The following NSUN7 variants were observed in gnomAD, a reference collection of about 807,000 sequenced individuals.
NSUN7 encodes NOP2/Sun RNA methyltransferase family member 7, also known as protein NSUN7.
Under a neutral mutation model 58.5 loss-of-function variants are expected in NSUN7, and 39 were observed. The ratio of observed to expected loss-of-function variants is 0.67; its 90% confidence interval spans 0.52 to 0.87. The LOEUF (loss-of-function observed/expected upper bound fraction) is 0.87, where lower values mean the gene tolerates loss of function less well. NSUN7 is among the 40% of genes least tolerant of loss of function. NSUN7 has a pLI of 0.00. For synonymous variants in NSUN7, 278 were observed against 303.7 expected (o/e 0.92, Z 0.88); for missense variants, 765 against 844.1 (o/e 0.91, Z 1.16).
chr4:40,787,569 CTG>C (rs1490237196), intron 7 of NSUN7, among the ~76,000 whole-genome samples: 1 of 152,068 alleles, frequency 6.6e-6, no homozygotes, highest in Non-Finnish European at 1.5e-5. Context: ...CTTGCCAAAA[CTG>C]AGAAATAGTT....
intron 2 of NSUN7, 148 bp from the exon 3 acceptor site, chr4:40,760,286 C>G: frequency 3.1e-6 from 2 of 654,152 alleles, no homozygotes; most frequent in South Asian, 3.5e-5. Context: ...CATCATGTCA[C>G]TGTAATTTAA....
At chr4:40,752,886 T>G (rs1022338174) in intron 2 of NSUN7, among the ~76,000 whole-genome samples, 1 of 12,200 alleles carries the variant, frequency 8.2e-5, no homozygotes, top group Non-Finnish European at 1.7e-4. Flanking sequence ...TAAGTCCGTC[T>G]TAACCATTCT....
At chr4:40,806,863 T>G (rs1232446363) in intron 10 of NSUN7, among the ~76,000 whole-genome samples, 198 bp from the exon 11 acceptor site, 1 of 152,242 alleles carries the variant, frequency 6.6e-6, no homozygotes, top group Non-Finnish European at 1.5e-5. Flanking sequence ...TATAATAAAT[T>G]ATGAATATAA....
intron 7 of NSUN7, among the ~76,000 whole-genome samples, chr4:40,787,526 A>G (rs902205765): frequency 1.3e-5 from 2 of 152,172 alleles, no homozygotes; most frequent in Non-Finnish European, 2.9e-5. Context: ...ATAAACTTGA[A>G]CATTTAACTG....
Position 40,811,073 on chromosome 4 carries a change from T to C in NSUN7, c.*2134T>C, listed in dbSNP as rs2154290369. On this transcript the variant is annotated 3_prime_UTR_variant, in exon 12 of 12. Coordinates refer to ENST00000381782, the MANE Select transcript of NSUN7 (RefSeq NM_024677.6). Reference sequence around the variant, plus strand: ...CTGATCTCTACAGTAGCATGTGAAGTCACAATTTGTTGCCACTTACATTGA... The same window carrying C: ...CTGATCTCTACAGTAGCATGTGAAGCCACAATTTGTTGCCACTTACATTGA... The C allele has an allele frequency of 6.6e-6, 1 of 152,270 alleles. No individual in the cohort carries two copies. The highest frequency in any genetic ancestry group is 2.1e-4 in the South Asian group (1 of 4,826). 9.4% of individuals were successfully genotyped at this position (152,270 alleles called of 1,614,324 possible).
chr4:40,781,177 A>G (rs994006820), intron 7 of NSUN7, among the ~76,000 whole-genome samples: 1 of 151,796 alleles, frequency 6.6e-6, no homozygotes, highest in Non-Finnish European at 1.5e-5. Context: ...AGCAATTCTC[A>G]TGCCTCAATC....
intron 2 of NSUN7, among the ~76,000 whole-genome samples, chr4:40,754,362 G>T (rs1465020932): frequency 2.6e-5 from 4 of 152,044 alleles, no homozygotes; most frequent in Non-Finnish European, 4.4e-5. Context: ...TGGCCAGGCT[G>T]GTCTTGAACT....
intron 7 of NSUN7, among the ~76,000 whole-genome samples, chr4:40,780,771 A>G (rs1236057617): frequency 2.9e-5 from 2 of 68,226 alleles, no homozygotes; most frequent in African/African-American, 6.9e-5. Flanking sequence ...ACACACACAC[A>G]CACACACACA....
intron 10 of NSUN7, among the ~76,000 whole-genome samples, chr4:40,800,509 T>C (rs1447556414): frequency 2.0e-5 from 3 of 152,132 alleles, no homozygotes; most frequent in African/African-American, 7.2e-5. Context: ...CTGGCTAATT[T>C]TTGTATTTTT....
chr4:40,763,890 A>G (rs1033169319), intron 4 of NSUN7, among the ~76,000 whole-genome samples: 2 of 152,184 alleles, frequency 1.3e-5, no homozygotes, highest in African/African-American at 4.8e-5. Context: ...CTTATTCCTA[A>G]TCAGTCACAT....
chr4:40,757,598 G>GTATATATATACATTGTGTGTA (rs537151128), intron 2 of NSUN7, among the ~76,000 whole-genome samples: 1 of 142,048 alleles, frequency 7.0e-6, no homozygotes, highest in African/African-American at 2.7e-5. Flanking sequence ...CACATTGTGT[G>GTATATATATACATTGTGTGTA]TATATATATA....
In NSUN7 at chr4:40,808,517, A is replaced by C. The variant is rs755334208; in HGVS notation, c.1735A>C (p.Asn579His). The C allele has an allele frequency of 2.9e-5, 45 of 1,553,262 alleles. No individual in the cohort carries two copies. The highest frequency in any genetic ancestry group is 1.7e-4 in the Middle Eastern group (1 of 5,994). Residue 579 changes from asparagine (N) to histidine (H), a missense_variant, in exon 12 of 12, where the codon AAT becomes CAT. Physicochemically the swap from Asn to His is moderately conservative, Grantham distance 68. Transcript: ENST00000381782. The stretch of plus-strand genomic sequence containing the variant: ...GAATCGAGAAACTAAAGCCAGTGCT[A>C]ATCTATCAGAGACTGTAACAAAACC... ...FLNRETKASANLSETVTKPPL... is the reference protein window; with the variant it reads ...FLNRETKASAHLSETVTKPPL...
At chr4:40,802,783 C>CTTTTT (rs34373539) in intron 10 of NSUN7, among the ~76,000 whole-genome samples, 2 of 138,910 alleles carry the variant, frequency 1.4e-5, no homozygotes, top group Non-Finnish European at 3.1e-5. Flanking sequence ...GCATTCTATT[C>CTTTTT]TTTTTTTTTT....
chr4:40,755,717 A>C (rs1408755229), intron 2 of NSUN7, among the ~76,000 whole-genome samples: 1 of 152,214 alleles, frequency 6.6e-6, no homozygotes, highest in Admixed American at 6.5e-5. Context: ...AATTTGCTAC[A>C]AGGACTGACA....
chr4:40,799,507 A>AG, intron 10 of NSUN7, among the ~76,000 whole-genome samples: 1 of 152,152 alleles, frequency 6.6e-6, no homozygotes, highest in East Asian at 1.9e-4. Context: ...AAAAAAAAAA[A>AG]AAAAGAATAT....
At position 40,750,868 on chromosome 4, in the gene NSUN7, A is replaced by G. The variant is rs750866938; in HGVS notation, c.175A>G (p.Ile59Val). 3.3e-5 allele frequency: 53 copies of G among 1,614,092 alleles called. No homozygotes were observed. In the East Asian group the frequency reaches 1.2e-3, roughly 35 times the overall value. The change falls in exon 2 of 12, where the codon ATC becomes GTC. Residue 59 changes from isoleucine (I) to valine (V), a missense_variant. Transcript: ENST00000381782. The part of the protein sequence containing the change: ...MAANIFQGIR[I>V]EKSAQKVLIK... ...AGCCAACATTTTTCAGGGTATTCGA[A>G]TCGAAAAGTCGGCACAGAAAGTCTT...
At chr4:40,776,728 A>C (rs979054141) in intron 7 of NSUN7, among the ~76,000 whole-genome samples, 1 of 151,906 alleles carries the variant, frequency 6.6e-6, no homozygotes, top group African/African-American at 2.4e-5. Flanking sequence ...AGGTCCTCCA[A>C]CCTCAGCCTC....
rs777765636 is a variant in NSUN7 at position 40,808,821 on chromosome 4, T to C, written c.2039T>C (p.Val680Ala). Residue 680 changes from valine to alanine, a missense_variant, in exon 12 of 12, where the codon GTT becomes GCT. By Grantham distance (64) the Val-to-Ala change is moderately conservative. Coordinates refer to ENST00000381782, the MANE Select transcript of NSUN7 (RefSeq NM_024677.6). Reference sequence around the variant, plus strand: ...ACTCAACATTTGTACTGTCGTTGGGTTGCACCCAAGGCACTTGTGCCCACC... The same window carrying C: ...ACTCAACATTTGTACTGTCGTTGGGCTGCACCCAAGGCACTTGTGCCCACC... ...MPTQHLYCRW[V>A]APKALVPTCL... is the part of the protein sequence containing the mutation. 1.3e-6 allele frequency: 2 copies of C among 1,549,346 alleles called. No homozygotes were observed. Among genetic ancestry groups the C allele is most frequent in the African/African-American group, 1.4e-5 (1 of 72,208 alleles).
At chr4:40,804,401 T>G (rs1180980291) in intron 10 of NSUN7, among the ~76,000 whole-genome samples, 1 of 150,880 alleles carries the variant, frequency 6.6e-6, no homozygotes, top group Non-Finnish European at 1.5e-5. Flanking sequence ...ATCACGCCAT[T>G]GCACTCCAGC....
Sources: allele counts gnomAD v4.1 joint callset (sites outside exome capture counted in the v4.1 genomes callset), GRCh38; gene constraint gnomAD v4.1.1; transcripts MANE v1.5; gene names NCBI Gene and HGNC (gene_info 2026-07-23, HGNC 2026-07-21).